The following DAB2 variants were observed in gnomAD, a reference collection of about 807,000 sequenced individuals.
The protein encoded by DAB2 is DAB adaptor protein 2.
In DAB2, 28 loss-of-function variants were observed where a neutral mutation model predicts 71.6. The observed-to-expected ratio is 0.39, with a 90% CI of 0.29 to 0.54. DAB2 has a LOEUF of 0.54. Ranked by LOEUF, DAB2 falls within the 20% of genes least tolerant of loss-of-function variation. DAB2 has a pLI of 0.68. For synonymous variants in DAB2, 345 were observed against 339.7 expected (o/e 1.02, Z -0.17); for missense variants, 867 against 928.8 (o/e 0.93, Z 0.86).
chr5:39,399,803 G>C lies in DAB2; in HGVS notation c.-101-5382C>G, dbSNP rs541352307. On this transcript the variant is annotated intron_variant, in intron 1 of 14. Coordinates refer to ENST00000320816, the MANE Select transcript of DAB2 (RefSeq NM_001343.4). ...CTTAGTGATTCATATAAAATGTCTA[G>C]TGTTTTGAATCCTTCAATTGCCAGC... Among the ~76,000 whole-genome samples, 44 of 152,342 alleles carry C rather than the reference G, an allele frequency of 2.9e-4. 1 individual carries two copies. Among genetic ancestry groups the C allele is most frequent in the Middle Eastern group, 3.4e-3 (1 of 294 alleles).
At chr5:39,421,592 G>A (rs866047356) in intron 1 of DAB2, among the ~76,000 whole-genome samples, 6 of 152,152 alleles carry the variant, frequency 3.9e-5, no homozygotes, top group Admixed American at 6.5e-5. Context: ...TTAGCCCTCT[G>A]TGTCCGTACC....
chr5:39,407,077 C>T (rs940847570), intron 1 of DAB2, among the ~76,000 whole-genome samples: 1 of 152,186 alleles, frequency 6.6e-6, no homozygotes, highest in Non-Finnish European at 1.5e-5. Flanking sequence ...CCATTCATAG[C>T]TTTTACTACA....
At chr5:39,376,531 A>G (rs1754835251) in intron 12 of DAB2, 119 bp downstream of exon 12, 2 of 1,219,064 alleles carry the variant, frequency 1.6e-6, no homozygotes, top group Non-Finnish European at 2.3e-6. Context: ...TTGATTACCA[A>G]CAGAAGCAAG....
At chr5:39,379,696 C>T (rs537658282) in intron 11 of DAB2, among the ~76,000 whole-genome samples, 1 of 152,208 alleles carries the variant, frequency 6.6e-6, no homozygotes, top group Non-Finnish European at 1.5e-5. Flanking sequence ...AATCTGAGGG[C>T]TCAGCTTTCT....
chr5:39,390,614 T>C (rs773297539), intron 4 of DAB2, 39 bp from the exon 5 acceptor site: 1 of 1,534,114 alleles, frequency 6.5e-7, no homozygotes, highest in Non-Finnish European at 9.0e-7. Flanking sequence ...TTAAGAAAAC[T>C]AGAATCTATT....
At chr5:39,384,554 A>G (rs1755052929) in intron 9 of DAB2, among the ~76,000 whole-genome samples, 1 of 152,180 alleles carries the variant, frequency 6.6e-6, no homozygotes, top group Admixed American at 6.5e-5. Context: ...AATTTGAAAG[A>G]CATATCAAAT....
rs563010951 is a variant in DAB2 at position 39,393,446 on chromosome 5, A to G, written c.92-53T>C. 450 of 1,587,278 alleles carry G rather than the reference A, an allele frequency of 2.8e-4. 9 individuals are homozygous for G. In the South Asian group the frequency reaches 4.5e-3, roughly 16 times the overall value. On this transcript the variant is annotated intron_variant, in intron 2 of 14. Transcript: ENST00000320816. ...AGAATGCTAGTTCTAATTATGACCAAATATGCTCTAGACTCTCCAAAATTT... is the reference window on the plus strand; with the variant it reads ...AGAATGCTAGTTCTAATTATGACCAGATATGCTCTAGACTCTCCAAAATTT...
chr5:39,396,999 G>C (rs568640843), intron 1 of DAB2, among the ~76,000 whole-genome samples: 1 of 152,306 alleles, frequency 6.6e-6, no homozygotes, highest in South Asian at 2.1e-4. Context: ...TTGCCTGCTG[G>C]CTGCATGTTG....
chr5:39,377,885 G>C (rs765198084), intron 11 of DAB2, among the ~76,000 whole-genome samples: 4 of 152,190 alleles, frequency 2.6e-5, no homozygotes, highest in Non-Finnish European at 4.4e-5. Context: ...TGCCAAGACT[G>C]ATACAGCTAT....
In DAB2 at chr5:39,388,761, T is replaced by C. The variant is rs750304771; in HGVS notation, c.624+38A>G. ...ACAGGAAGTAGAACCCATGTTCAGA[T>C]AAGTAAGAACTGTCAAACGTCACAT... On this transcript the variant is annotated intron_variant, in intron 8 of 14. Transcript: ENST00000320816. 6 of 1,550,194 alleles carry C rather than the reference T, an allele frequency of 3.9e-6. No individual in the cohort carries two copies. The Admixed American group carries it at 1.0e-4, about 26-fold the overall frequency.
At chr5:39,416,164 C>G (rs143828590) in intron 1 of DAB2, among the ~76,000 whole-genome samples, 2,351 of 152,084 alleles carry the variant, frequency 0.015, 30 homozygotes, top group Non-Finnish European at 0.023. Context: ...ATACATGTCC[C>G]TCATGATTAG....
chr5:39,410,217 TC>T (rs1239196786), intron 1 of DAB2, among the ~76,000 whole-genome samples: 1 of 152,018 alleles, frequency 6.6e-6, no homozygotes, highest in Non-Finnish European at 1.5e-5. Context: ...TTTCAAAGGC[TC>T]AAGTCTTGAC....
At chr5:39,412,914 G>C (rs939967863) in intron 1 of DAB2, among the ~76,000 whole-genome samples, 2 of 152,160 alleles carry the variant, frequency 1.3e-5, no homozygotes, top group African/African-American at 4.8e-5. Flanking sequence ...GTACTTTCAG[G>C]AAAGAGGAAC....
At chr5:39,378,662 CA>C (rs1474072210) in intron 11 of DAB2, among the ~76,000 whole-genome samples, 5 of 152,092 alleles carry the variant, frequency 3.3e-5, no homozygotes, top group Admixed American at 3.3e-4. Flanking sequence ...ACTTAATCAG[CA>C]TGCTTTTTGG....
intron 1 of DAB2, among the ~76,000 whole-genome samples, chr5:39,397,237 T>C (rs1428290747): frequency 1.3e-5 from 2 of 152,172 alleles, no homozygotes; most frequent in Non-Finnish European, 2.9e-5. Context: ...GACATCAGCA[T>C]CAGCCCTCTG....
rs1327693626 is a variant in DAB2, at chr5:39,371,702, A to G, written c.*1729T>C. 6.6e-6 allele frequency: 1 copy of G among 152,224 alleles called. No individual in the cohort carries two copies. Among genetic ancestry groups the G allele is most frequent in the African/African-American group, 2.4e-5 (1 of 41,464 alleles). 9.4% of individuals were successfully genotyped at this position (152,224 alleles called of 1,614,324 possible). ...TATTCTGCCACTCCAGTTTATTGAA[A>G]TGAGTAAATTTATAGCTTTATTTGC... On this transcript the variant is annotated 3_prime_UTR_variant, in exon 15 of 15. Coordinates refer to ENST00000320816, the MANE Select transcript of DAB2 (RefSeq NM_001343.4).
chr5:39,397,034 G>A (rs1054109477), intron 1 of DAB2, among the ~76,000 whole-genome samples: 1 of 152,192 alleles, frequency 6.6e-6, no homozygotes, highest in Non-Finnish European at 1.5e-5. Context: ...GTGCGCTGGA[G>A]GGAAACTGCC....
intron 1 of DAB2, among the ~76,000 whole-genome samples, chr5:39,401,949 A>G (rs561454168): frequency 1.5e-3 from 221 of 152,060 alleles, no homozygotes; most frequent in Non-Finnish European, 2.9e-3. Context: ...TCGGTAATTT[A>G]TAAAGAAAAA....
intron 1 of DAB2, 133 bp from the exon 2 acceptor site, chr5:39,394,554 A>G (rs980632934): frequency 1.4e-5 from 7 of 506,012 alleles, no homozygotes; most frequent in African/African-American, 1.4e-4. Context: ...CTGCTGTATT[A>G]GACTGAAGAC....
Sources: gnomAD v4.1 joint callset for allele counts (sites outside exome capture counted in the v4.1 genomes callset) on GRCh38, gnomAD v4.1.1 for gene constraint, MANE v1.5 for transcripts, NCBI Gene and HGNC (gene_info 2026-07-23, HGNC 2026-07-21) for gene names.